CSMD2: variants seen among roughly 807,000 people sequenced by gnomAD.
CSMD2 encodes the protein CUB and sushi domain-containing protein 2.
A neutral mutation model predicts 398.5 loss-of-function variants in CSMD2; 130 were observed. The ratio of observed to expected loss-of-function variants is 0.33; its 90% CI spans 0.28 to 0.38. CSMD2 has a LOEUF of 0.38. CSMD2 is among the 10% of genes least tolerant of loss of function. The pLI is 1.00. For synonymous variants in CSMD2, 1,828 were observed against 1,908.5 expected, an observed-to-expected ratio of 0.96 and a Z score of 1.10; for missense variants, 3,829 against 4,764.9, an observed-to-expected ratio of 0.80 and a Z score of 5.78.
At chr1:34,039,251 A>G (rs1182871018) in intron 2 of CSMD2, among the ~76,000 whole-genome samples, 2 of 152,150 alleles carry the variant, frequency 1.3e-5, no homozygotes, top group African/African-American at 4.8e-5. Context: ...AGATTTGGGT[A>G]GCAGTGAAGG....
chr1:33,517,555 T>A (rs1293811302), intron 70 of CSMD2, among the ~76,000 whole-genome samples: 7 of 152,238 alleles, frequency 4.6e-5, no homozygotes, highest in Admixed American at 4.6e-4. Context: ...TTTCTTTTTC[T>A]CTTTTGCCTT....
At chr1:34,121,809 G>A (rs1662213120) in intron 1 of CSMD2, among the ~76,000 whole-genome samples, 4 of 152,078 alleles carry the variant, frequency 2.6e-5, no homozygotes. Flanking sequence ...GGAAGCCATT[G>A]TTTTGGACCC....
chr1:34,094,380 C>G (rs1280651470), intron 1 of CSMD2, among the ~76,000 whole-genome samples: 1 of 151,682 alleles, frequency 6.6e-6, no homozygotes, highest in South Asian at 2.1e-4. Flanking sequence ...CTAACATCAT[C>G]ATGACAGGAT....
intron 2 of CSMD2, 141 bp downstream of exon 2, chr1:34,088,836 C>T: frequency 7.1e-6 from 5 of 704,522 alleles, no homozygotes; most frequent in South Asian, 1.7e-5. Context: ...ATTGGAAAAC[C>T]AGAGGGGTTG....
intron 1 of CSMD2, among the ~76,000 whole-genome samples, chr1:34,162,557 G>C (rs1641441211): frequency 6.6e-6 from 1 of 152,124 alleles, no homozygotes; most frequent in Non-Finnish European, 1.5e-5. Context: ...GGCGGGAAAG[G>C]CTTAAAAAGA....
chr1:33,588,644 A>C (rs1403110062), intron 44 of CSMD2, among the ~76,000 whole-genome samples: 1 of 152,232 alleles, frequency 6.6e-6, no homozygotes, highest in Non-Finnish European at 1.5e-5. Flanking sequence ...AGAGAAGTTA[A>C]ATACTTAAAA....
chr1:34,069,389 G>A (rs576426913), intron 2 of CSMD2, among the ~76,000 whole-genome samples: 1 of 152,318 alleles, frequency 6.6e-6, no homozygotes, highest in East Asian at 1.9e-4. Context: ...AAGGGAAAGA[G>A]ACAGAAATCC....
chr1:34,103,153 C>T (rs1443004474), intron 1 of CSMD2, among the ~76,000 whole-genome samples: 1 of 152,066 alleles, frequency 6.6e-6, no homozygotes, highest in African/African-American at 2.4e-5. Context: ...CTCCAGAAAG[C>T]CTTCTGGGAA....
intron 1 of CSMD2, among the ~76,000 whole-genome samples, chr1:34,103,312 T>C (rs979102348): frequency 1.7e-3 from 100 of 58,794 alleles, no homozygotes; most frequent in Non-Finnish European, 3.1e-3. Context: ...TTTTTTTTTC[T>C]TTCTGAGCCA....
intron 37 of CSMD2, among the ~76,000 whole-genome samples, chr1:33,619,137 G>A (rs1291162683): frequency 6.6e-6 from 1 of 152,210 alleles, no homozygotes; most frequent in Non-Finnish European, 1.5e-5. Flanking sequence ...ACTTGTCCAG[G>A]GGCAAGGGCC....
intron 26 of CSMD2, among the ~76,000 whole-genome samples, chr1:33,662,601 A>T (rs1557692671): frequency 6.6e-6 from 1 of 152,194 alleles, no homozygotes; most frequent in East Asian, 1.9e-4. Flanking sequence ...CTTGGACATC[A>T]TCTTTTCTGG....
chr1:33,716,039 G>T (rs1463352149), intron 20 of CSMD2, among the ~76,000 whole-genome samples: 1 of 152,072 alleles, frequency 6.6e-6, no homozygotes, highest in African/African-American at 2.4e-5. Flanking sequence ...CATGTTCAGA[G>T]CAAATCCTAA....
At chr1:33,826,277 C>A (rs867147156) in intron 6 of CSMD2, among the ~76,000 whole-genome samples, 33 of 152,270 alleles carry the variant, frequency 2.2e-4, no homozygotes, top group African/African-American at 7.5e-4. Flanking sequence ...GATTTTTTAG[C>A]TCCCTCCATT....
At chr1:33,579,600 C>T (rs1638548361) in intron 48 of CSMD2, among the ~76,000 whole-genome samples, 1 of 151,974 alleles carries the variant, frequency 6.6e-6, no homozygotes, top group Non-Finnish European at 1.5e-5. Flanking sequence ...GTAGGAGACC[C>T]ATGAGAAGAG....
intron 29 of CSMD2, among the ~76,000 whole-genome samples, chr1:33,640,606 T>G (rs1471518371): frequency 6.6e-6 from 1 of 152,212 alleles, no homozygotes; most frequent in East Asian, 1.9e-4. Flanking sequence ...CAGAAAAAGT[T>G]TGCCAACTCC....
At chr1:33,587,552 G>T (rs1162881892) in intron 44 of CSMD2, among the ~76,000 whole-genome samples, 1 of 152,198 alleles carries the variant, frequency 6.6e-6, no homozygotes, top group Non-Finnish European at 1.5e-5. Context: ...TCAGAAAGGT[G>T]AAGTAAGTTC....
intron 15 of CSMD2, among the ~76,000 whole-genome samples, chr1:33,734,086 T>C (rs529375359): frequency 3.3e-5 from 5 of 152,334 alleles, no homozygotes; most frequent in African/African-American, 9.6e-5. Context: ...ACTACCCTTA[T>C]AGTTCTTCCT....
At chr1:34,099,200 C>G (rs949687948) in intron 1 of CSMD2, among the ~76,000 whole-genome samples, 1 of 152,180 alleles carries the variant, frequency 6.6e-6, no homozygotes, top group African/African-American at 2.4e-5. Flanking sequence ...TACTTTGCTC[C>G]TGTCCCTAAA....
rs148243725 is a variant in CSMD2, at chr1:33,697,153, T to C, written c.3925+1600A>G. Among the ~76,000 whole-genome samples the C allele has an allele frequency of 2.9e-3, 439 of 152,288 alleles. 3 individuals carry two copies. Among genetic ancestry groups the C allele is most frequent in the African/African-American group, 9.9e-3 (410 of 41,558 alleles). The stretch of plus-strand genomic sequence containing the variant: ...ATTCAAAGTAATCTTACAGTGAATC[T>C]TTTCTGCAAAGCAAATAATTATCTT... On this transcript the variant is annotated intron_variant, in intron 24 of 70. Coordinates refer to ENST00000373381, the MANE Select transcript of CSMD2 (RefSeq NM_001281956.2).
Sources: allele counts gnomAD v4.1 joint callset (sites outside exome capture counted in the v4.1 genomes callset), GRCh38; gene constraint gnomAD v4.1.1; transcripts MANE v1.5; gene names NCBI Gene and HGNC (gene_info 2026-07-23, HGNC 2026-07-21).